The following ZNF804B variants were observed in gnomAD, a reference collection of about 807,000 sequenced individuals.
ZNF804B encodes zinc finger protein 804B.
In ZNF804B, 80 loss-of-function variants were observed where a neutral mutation model predicts 101.4. The observed-to-expected ratio is 0.79, with a 90% CI of 0.66 to 0.95. The LOEUF is 0.95. Among genes scored for constraint, ZNF804B ranks in the 40% least tolerant of loss-of-function variants. ZNF804B has a pLI of 0.00. For missense variants in ZNF804B, 1,673 were observed against 1,561.9 expected (o/e 1.07, Z -1.20); for synonymous variants, 622 against 558.8 (o/e 1.11, Z -1.59).
At chr7:88,816,417 A>G (rs1562801728) in intron 1 of ZNF804B, among the ~76,000 whole-genome samples, 1 of 152,204 alleles carries the variant, frequency 6.6e-6, no homozygotes, top group African/African-American at 2.4e-5. Context: ...CTGCACAGCA[A>G]AAGAAACTAC....
chr7:88,866,513 T>C (rs1007163016), intron 1 of ZNF804B, among the ~76,000 whole-genome samples: 1 of 152,184 alleles, frequency 6.6e-6, no homozygotes, highest in African/African-American at 2.4e-5. Context: ...TGAGAATGAC[T>C]AATCTAGTCG....
chr7:89,191,891 A>G (rs1045411551), intron 1 of ZNF804B, among the ~76,000 whole-genome samples: 3 of 152,246 alleles, frequency 2.0e-5, no homozygotes, highest in African/African-American at 7.2e-5. Context: ...AGAATAGCTT[A>G]CATGTTAAAT....
intron 1 of ZNF804B, among the ~76,000 whole-genome samples, chr7:88,942,296 C>A (rs913219202): frequency 6.6e-6 from 1 of 151,886 alleles, no homozygotes; most frequent in Admixed American, 6.6e-5. Flanking sequence ...TTCTGTCATA[C>A]AATTGGTGCT....
chr7:88,874,797 C>G (rs563163043), intron 1 of ZNF804B, among the ~76,000 whole-genome samples: 1 of 151,810 alleles, frequency 6.6e-6, no homozygotes, highest in Admixed American at 6.6e-5. Context: ...CTCAGCTCTG[C>G]ACCAAGCGGA....
chr7:89,017,300 C>A (rs1788584006), intron 1 of ZNF804B, among the ~76,000 whole-genome samples: 1 of 152,162 alleles, frequency 6.6e-6, no homozygotes, highest in Non-Finnish European at 1.5e-5. Flanking sequence ...AATTTGACTT[C>A]CTCTTTTCCT....
At chr7:89,061,265 T>C (rs1254926015) in intron 1 of ZNF804B, among the ~76,000 whole-genome samples, 1 of 152,092 alleles carries the variant, frequency 6.6e-6, no homozygotes. Context: ...TATGTGTCTT[T>C]CAAATAATTT....
intron 1 of ZNF804B, among the ~76,000 whole-genome samples, chr7:89,111,747 G>T (rs563094838): frequency 4.6e-5 from 7 of 151,702 alleles, no homozygotes; most frequent in African/African-American, 1.7e-4. Context: ...TTTCTTTCAC[G>T]GATTGTCCTT....
intron 2 of ZNF804B, among the ~76,000 whole-genome samples, chr7:89,219,661 G>A (rs1788950946): frequency 6.6e-6 from 1 of 151,402 alleles, no homozygotes; most frequent in Non-Finnish European, 1.5e-5. Flanking sequence ...AATTTCATGT[G>A]GCCAAAGATT....
At chr7:89,033,274 G>C (rs888971985) in intron 1 of ZNF804B, among the ~76,000 whole-genome samples, 2 of 152,044 alleles carry the variant, frequency 1.3e-5, no homozygotes, top group Admixed American at 6.6e-5. Context: ...TCCAATTCAC[G>C]TTGTCACAAA....
At chr7:89,138,660 A>G (rs533646497) in intron 1 of ZNF804B, among the ~76,000 whole-genome samples, 6 of 151,926 alleles carry the variant, frequency 3.9e-5, no homozygotes, top group Non-Finnish European at 8.8e-5. Flanking sequence ...CCCCACCCAA[A>G]TCTCATCTCC....
At chr7:89,061,314 C>A (rs1332661794) in intron 1 of ZNF804B, among the ~76,000 whole-genome samples, 1 of 151,702 alleles carries the variant, frequency 6.6e-6, no homozygotes, top group Admixed American at 6.6e-5. Flanking sequence ...AAATTTTGAT[C>A]TTTTGGGACT....
chr7:89,095,091 C>T lies in ZNF804B; in HGVS notation c.109-123064C>T, dbSNP rs75063131. On this transcript the variant is annotated intron_variant, in intron 1 of 3. Coordinates refer to ENST00000333190, the MANE Select transcript of ZNF804B (RefSeq NM_181646.5). ...CCAAAATTCATGTTGAAACTTCATC[C>T]CCAATGAAATAGTAGTAGGAAGTGT... is the stretch of plus-strand genomic sequence containing the variant. Among the ~76,000 whole-genome samples, 122 of 152,206 alleles carry T rather than the reference C, an allele frequency of 8.0e-4. 3 individuals are homozygous for T. The East Asian group carries it at 0.023, about 28-fold the overall frequency.
intron 1 of ZNF804B, among the ~76,000 whole-genome samples, chr7:88,924,903 A>G (rs1044866216): frequency 6.6e-6 from 1 of 152,176 alleles, no homozygotes; most frequent in African/African-American, 2.4e-5. Flanking sequence ...GATTTGATGA[A>G]TAAATAATTT....
At chr7:88,898,923 C>T (rs543683528) in intron 1 of ZNF804B, among the ~76,000 whole-genome samples, 16 of 152,108 alleles carry the variant, frequency 1.1e-4, no homozygotes, top group Non-Finnish European at 2.2e-4. Flanking sequence ...AAAGACAGAG[C>T]GGTGGGTCCT....
chr7:89,161,356 T>G (rs925467591), intron 1 of ZNF804B, among the ~76,000 whole-genome samples: 2 of 152,014 alleles, frequency 1.3e-5, no homozygotes, highest in Non-Finnish European at 2.9e-5. Context: ...TTACCTATGT[T>G]ACATGATCTC....
At chr7:88,832,010 T>C (rs1583963988) in intron 1 of ZNF804B, among the ~76,000 whole-genome samples, 2 of 152,054 alleles carry the variant, frequency 1.3e-5, no homozygotes, top group South Asian at 2.1e-4. Context: ...AAAGCCTTTT[T>C]CTAATTCCTT....
At chr7:89,139,942 A>G (rs1007687754) in intron 1 of ZNF804B, among the ~76,000 whole-genome samples, 7 of 152,082 alleles carry the variant, frequency 4.6e-5, no homozygotes, top group Admixed American at 1.3e-4. Flanking sequence ...GCTCACATCC[A>G]TCAGAGGAAT....
intron 2 of ZNF804B, among the ~76,000 whole-genome samples, chr7:89,292,933 A>G (rs1373730228): frequency 2.6e-5 from 4 of 152,068 alleles, no homozygotes; most frequent in Non-Finnish European, 5.9e-5. Flanking sequence ...ACTTAAAACT[A>G]TAAAACAGTG....
chr7:89,152,284 G>T (rs1336523662), intron 1 of ZNF804B, among the ~76,000 whole-genome samples: 1 of 150,998 alleles, frequency 6.6e-6, no homozygotes, highest in African/African-American at 2.4e-5. Context: ...TACATTTATG[G>T]GGAAGAGGTA....
Sources: gnomAD v4.1 joint callset for allele counts (sites outside exome capture counted in the v4.1 genomes callset) on GRCh38, gnomAD v4.1.1 for gene constraint, MANE v1.5 for transcripts, NCBI Gene and HGNC (gene_info 2026-07-23, HGNC 2026-07-21) for gene names.